The following GPC6 variants were observed in gnomAD, a reference collection of about 807,000 sequenced individuals.
GPC6 encodes the protein glypican-6.
GPC6 carries 14 observed loss-of-function variants against 55.2 expected under a neutral mutation model. The ratio of observed to expected loss-of-function variants is 0.25; its 90% CI spans 0.17 to 0.40. The LOEUF (loss-of-function observed/expected upper bound fraction) is 0.40, where lower values mean the gene tolerates loss of function less well. Among genes scored for constraint, GPC6 ranks in the 10% least tolerant of loss-of-function variants. GPC6 has a pLI of 1.00. For synonymous variants in GPC6, 278 were observed against 259.6 expected, an observed-to-expected ratio of 1.07 and a Z score of -0.68; for missense variants, 641 against 708.5, an observed-to-expected ratio of 0.90 and a Z score of 1.08.
chr13:93,639,139 C>CT (rs1879810663), intron 2 of GPC6, among the ~76,000 whole-genome samples: 9 of 151,462 alleles, frequency 5.9e-5, no homozygotes, highest in Admixed American at 5.9e-4. Flanking sequence ...GAAAATAAAG[C>CT]AAGGAGGGGT....
intron 4 of GPC6, among the ~76,000 whole-genome samples, chr13:94,090,996 T>C (rs1003713373): frequency 1.2e-4 from 19 of 152,180 alleles, no homozygotes; most frequent in Admixed American, 9.2e-4. Flanking sequence ...ATTCTCCGCA[T>C]TTTAGAGGCT....
intron 4 of GPC6, among the ~76,000 whole-genome samples, chr13:94,257,260 C>T (rs192287674): frequency 1.3e-5 from 2 of 152,290 alleles, no homozygotes; most frequent in South Asian, 2.1e-4. Context: ...GCAAAAGGCA[C>T]TTTAGAAACA....
At chr13:93,910,239 A>G (rs934786088) in intron 3 of GPC6, among the ~76,000 whole-genome samples, 1 of 152,106 alleles carries the variant, frequency 6.6e-6, no homozygotes, top group African/African-American at 2.4e-5. Context: ...ATGATAGTGA[A>G]TAAGTCTCAC....
intron 3 of GPC6, among the ~76,000 whole-genome samples, chr13:93,833,462 A>G (rs1168052112): frequency 2.0e-5 from 3 of 152,174 alleles, no homozygotes; most frequent in African/African-American, 4.8e-5. Flanking sequence ...CTATTAATTG[A>G]GTGATTTAGA....
chr13:93,539,713 CA>C (rs1882211677), intron 1 of GPC6, among the ~76,000 whole-genome samples: 2 of 138,202 alleles, frequency 1.4e-5, no homozygotes, highest in African/African-American at 5.4e-5. Context: ...TTTTTTGAGA[CA>C]GGGTTTTGCT....
chr13:93,623,362 A>T (rs1002416617), intron 2 of GPC6, among the ~76,000 whole-genome samples: 1 of 151,812 alleles, frequency 6.6e-6, no homozygotes, highest in African/African-American at 2.4e-5. Context: ...AATGTTTTCC[A>T]TAATGGCTGG....
chr13:93,470,874 A>C (rs1025497365), intron 1 of GPC6, among the ~76,000 whole-genome samples: 1 of 152,012 alleles, frequency 6.6e-6, no homozygotes, highest in Non-Finnish European at 1.5e-5. Flanking sequence ...CAATTTGCAG[A>C]TTTAGAGGAA....
chr13:93,520,175 ATAT>A (rs1444665897), intron 1 of GPC6, among the ~76,000 whole-genome samples: 4 of 151,960 alleles, frequency 2.6e-5, no homozygotes, highest in African/African-American at 9.7e-5. Context: ...GCAAGTTAAA[ATAT>A]TATCAGAATA....
In GPC6 at chr13:93,227,710, G is replaced by T; in HGVS notation, c.160+94G>T. 9.9e-7 allele frequency: 1 copy of T among 1,008,608 alleles called. No homozygotes were observed. The highest frequency in any genetic ancestry group is 1.5e-6 in the Non-Finnish European group (1 of 686,554). 62.5% of individuals were successfully genotyped at this position (1,008,608 alleles called of 1,614,324 possible). A position where few individuals can be genotyped will look rare whatever the true frequency, so the allele number is the denominator to read the frequency against. On this transcript the variant is annotated intron_variant, in intron 1 of 8. Transcript: ENST00000377047. This position sits in a 1 kb window ranked among gnomAD's most constrained non-coding sequence, Gnocchi z 4.3. ...CGTCCCCTTCCTTCCCCCTGTTGCTGAGTTGGTGCTCACTTTCTGCCACCG... is the reference window on the plus strand; with the variant it reads ...CGTCCCCTTCCTTCCCCCTGTTGCTTAGTTGGTGCTCACTTTCTGCCACCG...
At chr13:93,563,290 G>C (rs917928004) in intron 2 of GPC6, among the ~76,000 whole-genome samples, 4 of 152,136 alleles carry the variant, frequency 2.6e-5, no homozygotes, top group African/African-American at 9.7e-5. Context: ...CATGGTGGGA[G>C]GGATGGGGAG....
intron 2 of GPC6, among the ~76,000 whole-genome samples, chr13:93,574,181 A>G (rs1309263308): frequency 6.6e-6 from 1 of 152,166 alleles, no homozygotes; most frequent in Non-Finnish European, 1.5e-5. Flanking sequence ...CTAACCTGTA[A>G]TACCTCTCAG....
intron 6 of GPC6, among the ~76,000 whole-genome samples, chr13:94,348,817 G>C (rs752774968): frequency 3.5e-4 from 53 of 152,072 alleles, no homozygotes; most frequent in Admixed American, 7.2e-4. Flanking sequence ...ATCTCATCAT[G>C]TTCACTCCTG....
At chr13:94,203,296 A>G (rs1196132134) in intron 4 of GPC6, among the ~76,000 whole-genome samples, 2 of 151,732 alleles carry the variant, frequency 1.3e-5, no homozygotes, top group East Asian at 3.9e-4. Flanking sequence ...ACTAGATTAT[A>G]TGTATCCTGT....
intron 4 of GPC6, among the ~76,000 whole-genome samples, chr13:94,046,951 A>T (rs988086105): frequency 6.6e-6 from 1 of 152,138 alleles, no homozygotes; most frequent in African/African-American, 2.4e-5. Flanking sequence ...AAGTTGGAGG[A>T]TTATACTCCT....
intron 3 of GPC6, among the ~76,000 whole-genome samples, chr13:93,912,636 G>A (rs1010962927): frequency 1.2e-4 from 19 of 152,218 alleles, no homozygotes; most frequent in South Asian, 2.1e-4. Context: ...CCAGCTACTC[G>A]GGAGGCTGAG....
At chr13:94,022,412 G>A (rs1243831045) in intron 3 of GPC6, among the ~76,000 whole-genome samples, 1 of 151,800 alleles carries the variant, frequency 6.6e-6, no homozygotes, top group Non-Finnish European at 1.5e-5. Flanking sequence ...GTGGCAGATG[G>A]CAGGAACTCC....
chr13:93,462,684 T>A (rs1878739646), intron 1 of GPC6, among the ~76,000 whole-genome samples: 1 of 146,734 alleles, frequency 6.8e-6, no homozygotes. Context: ...CAAGAACATA[T>A]AAATGAAAGA....
chr13:93,989,915 C>T (rs563651153), intron 3 of GPC6, among the ~76,000 whole-genome samples: 35 of 123,488 alleles, frequency 2.8e-4, no homozygotes, highest in African/African-American at 9.0e-4. Context: ...TATATATATA[C>T]ACACATATAT....
chr13:93,590,474 C>A (rs996323766), intron 2 of GPC6, among the ~76,000 whole-genome samples: 2 of 151,994 alleles, frequency 1.3e-5, no homozygotes, highest in Non-Finnish European at 2.9e-5. Context: ...AATAGATATT[C>A]TAGTAATATA....
Sources: gnomAD v4.1 joint callset for allele counts (sites outside exome capture counted in the v4.1 genomes callset) on GRCh38, gnomAD v4.1.1 for gene constraint, Gnocchi (gnomAD v3.1) non-coding constraint, MANE v1.5 for transcripts, NCBI Gene and HGNC (gene_info 2026-07-23, HGNC 2026-07-21) for gene names.